The following FYB1 variants were observed in gnomAD, a reference collection of about 807,000 sequenced individuals.
FYB1 encodes FYN binding protein 1.
In FYB1, 41 loss-of-function variants were observed where a neutral mutation model predicts 94.1. The ratio of observed to expected loss-of-function variants is 0.44; its 90% CI spans 0.34 to 0.57. The LOEUF is 0.57. FYB1 is among the 20% of genes least tolerant of loss of function. The pLI is 0.02. For synonymous variants in FYB1, 367 were observed against 353.2 expected, an observed-to-expected ratio of 1.04 and a Z score of -0.44; for missense variants, 1,050 against 976.8, an observed-to-expected ratio of 1.07 and a Z score of -1.00.
At chr5:39,201,803 T>G (rs919335752) in intron 2 of FYB1, 23 bp downstream of exon 2, 1 of 1,592,024 alleles carries the variant, frequency 6.3e-7, no homozygotes. Flanking sequence ...CCATACTGAA[T>G]AGCAAACGAG....
At chr5:39,225,809 G>C (rs1288279546) in intron 1 of FYB1, among the ~76,000 whole-genome samples, 1 of 152,190 alleles carries the variant, frequency 6.6e-6, no homozygotes. Flanking sequence ...AGAGTGGAGA[G>C]AGAAAATCAT....
At chr5:39,176,281 G>T (rs1261803302) in intron 2 of FYB1, among the ~76,000 whole-genome samples, 1 of 151,274 alleles carries the variant, frequency 6.6e-6, no homozygotes, top group East Asian at 1.9e-4. Flanking sequence ...CTCCCGAGTA[G>T]CTGGGATTAC....
At chr5:39,201,481 G>A (rs551716675) in intron 2 of FYB1, among the ~76,000 whole-genome samples, 2 of 152,240 alleles carry the variant, frequency 1.3e-5, no homozygotes, top group South Asian at 4.1e-4. Flanking sequence ...TGTGTTGATA[G>A]GGGTAACATA....
chr5:39,234,998 T>C lies in FYB1; in HGVS notation c.-27-32011A>G, dbSNP rs1014379039. Among the ~76,000 whole-genome samples the C allele has an allele frequency of 2.0e-5, 3 of 152,064 alleles. No homozygotes were observed. In the South Asian group the frequency reaches 6.2e-4, roughly 32 times the overall value. Reference sequence around the variant, plus strand: ...GTGCAGCAAACCACCATGGCACGTGTATACCTATGTAACAAACTTGCACCT... The same window carrying C: ...GTGCAGCAAACCACCATGGCACGTGCATACCTATGTAACAAACTTGCACCT... On this transcript the variant is annotated intron_variant, in intron 1 of 1. Coordinates refer to the FYB1 transcript ENST00000510188.
At chr5:39,122,695 G>A (rs1316643817) in intron 13 of FYB1, among the ~76,000 whole-genome samples, 2 of 152,084 alleles carry the variant, frequency 1.3e-5, no homozygotes, top group African/African-American at 4.8e-5. Flanking sequence ...ATCTACAAGT[G>A]CAATGAATGT....
chr5:39,247,075 T>C (rs1157027675), intron 1 of FYB1, among the ~76,000 whole-genome samples: 1 of 51,050 alleles, frequency 2.0e-5, no homozygotes, highest in Non-Finnish European at 3.8e-5. Flanking sequence ...CGTGTTCATA[T>C]ATATATATAT....
chr5:39,133,834 A>G (rs1416400410), intron 9 of FYB1, among the ~76,000 whole-genome samples: 1 of 152,224 alleles, frequency 6.6e-6, no homozygotes, highest in Non-Finnish European at 1.5e-5. Flanking sequence ...ATTTAGAATC[A>G]GAGATTTATG....
At chr5:39,131,333 A>G (rs929344407) in intron 9 of FYB1, among the ~76,000 whole-genome samples, 1 of 152,180 alleles carries the variant, frequency 6.6e-6, no homozygotes, top group South Asian at 2.1e-4. Flanking sequence ...CAATTCCCTC[A>G]TTATACAGAA....
intron 16 of FYB1, among the ~76,000 whole-genome samples, chr5:39,118,654 G>A (rs1006189755): frequency 4.6e-5 from 7 of 152,072 alleles, no homozygotes; most frequent in African/African-American, 1.2e-4. Context: ...CTTTGACACC[G>A]AGTATATAGA....
At chr5:39,154,743 G>A (rs1016966298) in intron 2 of FYB1, among the ~76,000 whole-genome samples, 8 of 152,016 alleles carry the variant, frequency 5.3e-5, no homozygotes, top group Admixed American at 2.0e-4. Flanking sequence ...CACCATGCCC[G>A]CCGCTGTGCC....
intron 2 of FYB1, among the ~76,000 whole-genome samples, chr5:39,168,544 A>G (rs1744947990): frequency 6.6e-6 from 1 of 152,174 alleles, no homozygotes; most frequent in African/African-American, 2.4e-5. Context: ...TAGGTTATCA[A>G]TTGCATGTAA....
intron 7 of FYB1, 169 bp downstream of exon 7, chr5:39,137,431 G>T (rs1741766842): frequency 1.6e-6 from 1 of 620,872 alleles, no homozygotes; most frequent in Non-Finnish European, 2.6e-6. Flanking sequence ...TTAGTTCAGG[G>T]ATAAAATGGT....
intron 2 of FYB1, among the ~76,000 whole-genome samples, chr5:39,191,357 C>T (rs1747343429): frequency 6.6e-6 from 1 of 152,164 alleles, no homozygotes; most frequent in Non-Finnish European, 1.5e-5. Context: ...GCTGAAAAAG[C>T]CGTTGTGGTG....
At chr5:39,265,497 AG>A (rs1236167643) in intron 1 of FYB1, among the ~76,000 whole-genome samples, 2 of 140,626 alleles carry the variant, frequency 1.4e-5, no homozygotes, top group Non-Finnish European at 3.2e-5. Flanking sequence ...AAAAAAAAAA[AG>A]AAAAAAAAAT....
intron 1 of FYB1, among the ~76,000 whole-genome samples, chr5:39,252,125 A>G (rs1048592151): frequency 1.3e-5 from 2 of 152,328 alleles, no homozygotes; most frequent in East Asian, 3.9e-4. Flanking sequence ...AGCCTGAGCG[A>G]CAGAGCGAGA....
intron 1 of FYB1, among the ~76,000 whole-genome samples, chr5:39,266,740 T>C (rs543523332): frequency 9.9e-5 from 15 of 152,164 alleles, no homozygotes; most frequent in Non-Finnish European, 2.2e-4. Context: ...AGGCATTCCT[T>C]CAGTCTCTCA....
In FYB1 at chr5:39,153,464, G is replaced by A. The variant is rs763025625; in HGVS notation, c.1276C>T (p.Pro426Ser). Residue 426 changes from proline (P) to serine (S), a missense_variant, in exon 3 of 19, where the codon CCT becomes TCT. Pro to Ser is a moderately conservative substitution (Grantham distance 74). Transcript: ENST00000512982. ...TTTGCTTACTTTAGGTCAAACGGAG[G>A]TTTAATGTTTCTGGGAGGTAGGCTT... The part of the protein sequence containing the change: ...VPSLPPRNIK[P>S]PFDLKSPVNE... 8.1e-6 allele frequency: 13 copies of A among 1,613,786 alleles called. No individual in the cohort carries two copies. In the East Asian group the frequency reaches 2.7e-4, roughly 33 times the overall value.
intron 2 of FYB1, among the ~76,000 whole-genome samples, chr5:39,188,448 C>T (rs757695962): frequency 1.4e-4 from 22 of 152,162 alleles, no homozygotes; most frequent in Non-Finnish European, 2.5e-4. Context: ...TTCATCTCCC[C>T]ACCAACCCTT....
chr5:39,208,357 T>A (rs1198656163), intron 1 of FYB1, among the ~76,000 whole-genome samples: 1 of 152,220 alleles, frequency 6.6e-6, no homozygotes, highest in Non-Finnish European at 1.5e-5. Context: ...TTTGATTGCA[T>A]GTAATGCTTC....
Sources: allele counts gnomAD v4.1 joint callset (sites outside exome capture counted in the v4.1 genomes callset), GRCh38; gene constraint gnomAD v4.1.1; transcripts MANE v1.5; gene names NCBI Gene and HGNC (gene_info 2026-07-23, HGNC 2026-07-21).